JMJD7: variants seen among roughly 807,000 people sequenced by gnomAD.
JMJD7 encodes bifunctional peptidase and (3S)-lysyl hydroxylase JMJD7.
A neutral mutation model predicts 41.1 loss-of-function variants in JMJD7; 41 were observed. The ratio of observed to expected loss-of-function variants is 1.00; its 90% CI spans 0.78 to 1.30. JMJD7 has a LOEUF of 1.30. Ranked by LOEUF, JMJD7 falls within the 50% of genes most tolerant of loss-of-function variation. JMJD7 has a pLI of 0.00. For synonymous variants in JMJD7, 202 were observed against 177.2 expected, an observed-to-expected ratio of 1.14 and a Z score of -1.11; for missense variants, 480 against 420.7, an observed-to-expected ratio of 1.14 and a Z score of -1.23.
intron 1 of JMJD7, among the ~76,000 whole-genome samples, chr15:41,833,393 C>CATATATATATATATAT: frequency 3.4e-4 from 17 of 50,554 alleles, no homozygotes; most frequent in Middle Eastern, 0.01. Flanking sequence ...AGGTGAAATA[C>CATATATATATATATAT]ATATATATAT....
intron 1 of JMJD7, among the ~76,000 whole-genome samples, chr15:41,830,700 C>T (rs1196650008): frequency 6.6e-6 from 1 of 152,240 alleles, no homozygotes; most frequent in Non-Finnish European, 1.5e-5. Flanking sequence ...CCTGCTGCCG[C>T]AGGCTTGGAA....
chr15:41,836,190 G>T lies in JMJD7; in HGVS notation c.572G>T (p.Gly191Val). The change falls in exon 5 of 8, where the codon GGA (glycine) becomes GTA (valine). Residue 191 changes from glycine to valine, a missense_variant. Transcript: ENST00000397299. ...HYENLYCVVS[G>V]EKHFLFHPPS... Reference sequence around the variant, plus strand: ...GAGAACCTCTACTGCGTGGTCTCAGGAGAGAAGCATTTCCTGTTCCATCCG... The same window carrying T: ...GAGAACCTCTACTGCGTGGTCTCAGTAGAGAAGCATTTCCTGTTCCATCCG... The T allele has an allele frequency of 3.7e-6, 6 of 1,612,730 alleles. No homozygotes were observed. The highest frequency in any genetic ancestry group is 5.1e-6 in the Non-Finnish European group (6 of 1,179,306).
In JMJD7 at chr15:41,837,075, CTGGTATGACATGGAATACGACCTCAAGTA is replaced by C; in HGVS notation, c.872_900del (p.Trp291Ter). On this transcript the variant is annotated frameshift_variant, in exon 8 of 8. Transcript: ENST00000397299. LOFTEE classifies it high-confidence loss of function. ...TCCCCGTTCTTCCCACAGTGAATTT[CTGGTATGACATGGAATACGACCTCAAGTA>C]TAGTTACTTCCAGCTGCTCGACTCC... 1.2e-6 allele frequency: 2 copies of C among 1,613,330 alleles called. No homozygotes were observed. Among genetic ancestry groups the C allele is most frequent in the Middle Eastern group, 3.3e-4 (2 of 6,060 alleles).
chr15:41,837,053 C>T lies in JMJD7; in HGVS notation c.863-15C>T. 6.2e-7 allele frequency: 1 copy of T among 1,611,506 alleles called. No individual in the cohort carries two copies. ...AAGAGGGATCTTCATGCTCAGATCCCCGTTCTTCCCACAGTGAATTTCTGG... is the reference window on the plus strand; with the variant it reads ...AAGAGGGATCTTCATGCTCAGATCCTCGTTCTTCCCACAGTGAATTTCTGG... On this transcript the variant is annotated splice_polypyrimidine_tract_variant and intron_variant, in intron 7 of 7. Transcript: ENST00000397299.
At chr15:41,835,939 A>C (rs985044583) in intron 4 of JMJD7, 2 of 579,354 alleles carry the variant, frequency 3.5e-6, no homozygotes, top group East Asian at 3.0e-5. Context: ...GTTGAAGAGG[A>C]GTCCAGGGCC....
chr15:41,835,902 G>C, intron 4 of JMJD7: 3 of 564,818 alleles, frequency 5.3e-6, no homozygotes, highest in South Asian at 5.7e-5. Context: ...TGGGCCAGGG[G>C]GTAAGTGTAG....
In JMJD7 at chr15:41,833,396, A is replaced by ATG. The variant is rs1200538110; in HGVS notation, c.65-1343_65-1342insGT. 8.2e-3 allele frequency among the ~76,000 whole-genome samples: 313 copies of ATG among 38,352 alleles called. 13 individuals carry two copies. The highest frequency in any genetic ancestry group is 0.015 in the Non-Finnish European group (259 of 17,066). The allele number at this position is 38,352 out of a possible 152,430, so 25.2% of individuals were successfully genotyped here. The stretch of plus-strand genomic sequence containing the variant: ...AACAGTTTATGTAGGTGAAATACAT[A>ATG]TATATATATATATATATATTTTTTT... On this transcript the variant is annotated intron_variant, in intron 1 of 7. Transcript: ENST00000397299.
Position 41,837,307 on chromosome 15 carries a change from A to T in JMJD7, c.*151A>T, listed in dbSNP as rs915059118. 8.1e-6 allele frequency: 5 copies of T among 619,436 alleles called. No individual in the cohort carries two copies. The Admixed American group carries it at 1.4e-4, about 18-fold the overall frequency. 38.4% of individuals were successfully genotyped at this position (619,436 alleles called of 1,614,324 possible). A position where few individuals can be genotyped will look rare whatever the true frequency, so the allele number is the denominator to read the frequency against. ...TGAGATCAGCTTTGGAGGATCTTGG[A>T]ATGTGGTCATAAGGACTCAAGGTGC... is the stretch of plus-strand genomic sequence containing the variant. On this transcript the variant is annotated 3_prime_UTR_variant, in exon 8 of 8. Coordinates refer to ENST00000397299, the MANE Select transcript of JMJD7 (RefSeq NM_001114632.2).
chr15:41,833,964 A>T (rs1426973676), intron 1 of JMJD7, among the ~76,000 whole-genome samples: 1 of 152,164 alleles, frequency 6.6e-6, no homozygotes, highest in African/African-American at 2.4e-5. Context: ...CTCAGAGCCA[A>T]TCAGTAGGAT....
intron 1 of JMJD7, 29 bp downstream of exon 1, chr15:41,828,217 A>T: frequency 6.7e-7 from 1 of 1,494,510 alleles, no homozygotes; most frequent in Non-Finnish European, 8.8e-7. Context: ...GGCTGCGGCG[A>T]TTTCCGAACA....
At chr15:41,831,005 A>G (rs984699266) in intron 1 of JMJD7, among the ~76,000 whole-genome samples, 1 of 152,194 alleles carries the variant, frequency 6.6e-6, no homozygotes, top group African/African-American at 2.4e-5. Context: ...GTGAAGCCCG[A>G]CCTTCAAGCC....
intron 1 of JMJD7, among the ~76,000 whole-genome samples, chr15:41,833,036 C>T (rs1531140): frequency 0.28 from 42,458 of 151,900 alleles, 7,017 homozygotes; most frequent in Admixed American, 0.36. Context: ...GTCATGCGTG[C>T]CAAGGCAGGC....
chr15:41,833,758 C>T (rs181364826), intron 1 of JMJD7, among the ~76,000 whole-genome samples: 3 of 151,694 alleles, frequency 2.0e-5, no homozygotes, highest in East Asian at 1.9e-4. Flanking sequence ...TGAATGCTAA[C>T]GAGAAAAAAT....
chr15:41,832,212 C>A (rs973580095), intron 1 of JMJD7, among the ~76,000 whole-genome samples: 1 of 152,236 alleles, frequency 6.6e-6, no homozygotes, highest in Non-Finnish European at 1.5e-5. Flanking sequence ...CTCACACACC[C>A]CTCGCTGCCC....
intron 1 of JMJD7, among the ~76,000 whole-genome samples, chr15:41,833,412 A>ATTTTTTTTTTTTT (rs1430293088): frequency 2.4e-5 from 1 of 41,924 alleles, no homozygotes. Context: ...ATATATATAT[A>ATTTTTTTTTTTTT]TATTTTTTTT....
intron 4 of JMJD7, 90 bp from the exon 5 acceptor site, chr15:41,836,058 T>C: frequency 7.3e-7 from 1 of 1,368,408 alleles, no homozygotes; most frequent in Non-Finnish European, 9.9e-7. Flanking sequence ...ATAGGACGTC[T>C]TGGGGTGCAG....
chr15:41,828,557 T>C (rs2065176606), intron 1 of JMJD7: 2 of 210,508 alleles, frequency 9.5e-6, no homozygotes, highest in Non-Finnish European at 1.9e-5. Context: ...TGTCGCACTT[T>C]GGGAGGATTG....
chr15:41,831,741 C>A (rs1442077199), intron 1 of JMJD7, among the ~76,000 whole-genome samples: 1 of 152,182 alleles, frequency 6.6e-6, no homozygotes, highest in Non-Finnish European at 1.5e-5. Context: ...TGGGTCTCCT[C>A]TGAGCTATCC....
Position 41,831,842 on chromosome 15 carries a change from C to A in JMJD7, c.65-2898C>A, listed in dbSNP as rs76668620. Among the ~76,000 whole-genome samples the A allele has an allele frequency of 8.9e-3, 1,356 of 152,226 alleles. 13 individuals carry two copies. The highest frequency in any genetic ancestry group is 0.031 in the African/African-American group (1,301 of 41,504). ...CCTGGATGCAGGACAAGAATTGGGA[C>A]CTGCTGAGTGGCGGGGCTAAAAGAG... On this transcript the variant is annotated intron_variant, in intron 1 of 7. Transcript: ENST00000397299.
Sources: allele counts gnomAD v4.1 joint callset (sites outside exome capture counted in the v4.1 genomes callset), GRCh38; gene constraint gnomAD v4.1.1; transcripts MANE v1.5; gene names NCBI Gene and HGNC (gene_info 2026-07-23, HGNC 2026-07-21).